FCRL3: variants seen among roughly 807,000 people sequenced by gnomAD.
FCRL3 encodes the protein Fc receptor-like protein 3.
Under a neutral mutation model 75.0 loss-of-function variants are expected in FCRL3, and 89 were observed. That is an observed-to-expected ratio of 1.19 (90% confidence interval 1.00 to 1.42). FCRL3 has a LOEUF of 1.42. Ranked by LOEUF, FCRL3 falls within the 40% of genes most tolerant of loss-of-function variation. The probability of loss-of-function intolerance (pLI) is 0.00; values close to 1 mark genes in which losing one functional copy is unlikely to be tolerated. For missense variants in FCRL3, 946 were observed against 880.0 expected, an observed-to-expected ratio of 1.07 and a Z score of -0.95; for synonymous variants, 376 against 348.5, an observed-to-expected ratio of 1.08 and a Z score of -0.88.
Position 157,689,820 on chromosome 1 carries a change from G to C in FCRL3, c.1788C>G (p.Tyr596Ter). 4 of 1,614,126 alleles carry C rather than the reference G, an allele frequency of 2.5e-6. No individual in the cohort carries two copies. The highest frequency in any genetic ancestry group is 3.4e-6 in the Non-Finnish European group (4 of 1,180,016). The change falls in exon 10 of 15, where the codon TAC becomes TAG. Residue 596 changes from tyrosine to a stop codon, truncating the protein, a stop_gained. Transcript: ENST00000368184. LOFTEE classifies it high-confidence loss of function. The part of the protein sequence containing the change: ...VLAAAAALLH[Y>*]ARARRKPGGL... Reference sequence around the variant, plus strand: ...CACCTGGTTTCCTTCGGGCCCTGGCGTAATGCAGCAGAGCAGCAGCAGCAG... The same window carrying C: ...CACCTGGTTTCCTTCGGGCCCTGGCCTAATGCAGCAGAGCAGCAGCAGCAG...
intron 11 of FCRL3, among the ~76,000 whole-genome samples, chr1:157,682,844 G>T (rs974909301): frequency 2.0e-5 from 3 of 152,024 alleles, no homozygotes. Flanking sequence ...ATTGTGAATT[G>T]AACATTGCCA....
Position 157,678,660 on chromosome 1 carries a change from GA to G in FCRL3, c.*49del, listed in dbSNP as rs34893510. ...GGATGATGTGTGGTTGGAGAGAACA[GA>G]AAAAAAAATGGTGCAGGCTGTTTCC... On this transcript the variant is annotated 3_prime_UTR_variant, in exon 15 of 15. Transcript: ENST00000368184. 3.0e-5 allele frequency: 48 copies of G among 1,591,240 alleles called. No individual in the cohort carries two copies. The highest frequency in any genetic ancestry group is 8.5e-5 in the Admixed American group (5 of 58,982).
Position 157,676,715 on chromosome 1 carries a change from A to C in FCRL3, c.*1995T>G, listed in dbSNP as rs1654477069. On this transcript the variant is annotated 3_prime_UTR_variant, in exon 15 of 15. Coordinates refer to ENST00000368184, the MANE Select transcript of FCRL3 (RefSeq NM_052939.4). ...ACATACTCTGATTTGCACAGGGCTA[A>C]GTGTTACAAAGACATGGAAAATCTT... 6.4e-7 allele frequency: 1 copy of C among 1,550,426 alleles called. No individual in the cohort carries two copies. Among genetic ancestry groups the C allele is most frequent in the East Asian group, 2.4e-5 (1 of 40,910 alleles).
rs1335634072 is a variant in FCRL3 at position 157,695,539 on chromosome 1, C to T, written c.1201G>A (p.Glu401Lys). ...CCTCTCAGGGACTCACAGTGAAGCT[C>T]CAGCAGGTCCCCCACCACAGTGTGG... is the stretch of plus-strand genomic sequence containing the variant. ...RAHTVVGDLL[E>K]LHCESLRGSP... Residue 401 changes from glutamate to lysine, a missense_variant, in exon 8 of 15, where the codon GAG becomes AAG. Glu to Lys is a moderately conservative substitution (Grantham distance 56). Transcript: ENST00000368184. The T allele has an allele frequency of 8.7e-6, 14 of 1,614,106 alleles. No individual in the cohort carries two copies. The highest frequency in any genetic ancestry group is 1.1e-5 in the Non-Finnish European group (13 of 1,180,000).
intron 7 of FCRL3, 94 bp from the exon 8 acceptor site, chr1:157,695,701 C>G: frequency 1.5e-6 from 2 of 1,379,168 alleles, no homozygotes; most frequent in Non-Finnish European, 2.0e-6. Flanking sequence ...GTCCCTTGTC[C>G]CTTGATTGTT....
Position 157,678,402 on chromosome 1 carries a change from T to C in FCRL3, c.*308A>G. 8.3e-7 allele frequency: 1 copy of C among 1,197,756 alleles called. No homozygotes were observed. The highest frequency in any genetic ancestry group is 1.0e-6 in the Non-Finnish European group (1 of 958,770). 74.2% of individuals were successfully genotyped at this position (1,197,756 alleles called of 1,614,324 possible). On this transcript the variant is annotated 3_prime_UTR_variant, in exon 15 of 15. Coordinates refer to ENST00000368184, the MANE Select transcript of FCRL3 (RefSeq NM_052939.4). ...TCAAATGGTCATGATTGTGCCCTTG[T>C]AACCCTGGCTAGACCATTTCTCTCT...
At chr1:157,680,824 C>T (rs917379001) in intron 12 of FCRL3, 54 bp from the exon 13 acceptor site, 146 of 1,535,268 alleles carry the variant, frequency 9.5e-5, no homozygotes, top group Non-Finnish European at 5.0e-5. Flanking sequence ...ATTCTAGACT[C>T]TACTTCCCAA....
chr1:157,697,525 C>T, intron 5 of FCRL3, 101 bp from the exon 6 acceptor site: 1 of 1,466,972 alleles, frequency 6.8e-7, no homozygotes, highest in Non-Finnish European at 9.2e-7. Context: ...GATAGAGAAG[C>T]ATGCAGAAGG....
chr1:157,693,045 G>A (rs1203168847), intron 8 of FCRL3, among the ~76,000 whole-genome samples: 4 of 151,956 alleles, frequency 2.6e-5, no homozygotes, highest in South Asian at 4.1e-4. Context: ...GGAGGCTGTC[G>A]CGGGTAGATT....
At chr1:157,700,424 T>A (rs1395687181) in intron 2 of FCRL3, 35 bp downstream of exon 2, 4 of 1,613,674 alleles carry the variant, frequency 2.5e-6, no homozygotes, top group Non-Finnish European at 3.4e-6. Flanking sequence ...CTTTAGGAAC[T>A]GAGGCCGTGG....
chr1:157,696,415 A>G, intron 6 of FCRL3, 88 bp from the exon 7 acceptor site: 1 of 1,433,834 alleles, frequency 7.0e-7, no homozygotes, highest in Non-Finnish European at 9.6e-7. Flanking sequence ...GAATAGGCCA[A>G]TAGCAGCAGG....
intron 10 of FCRL3, among the ~76,000 whole-genome samples, chr1:157,688,328 C>T (rs1009594550): frequency 6.6e-6 from 1 of 151,900 alleles, no homozygotes; most frequent in Non-Finnish European, 1.5e-5. Flanking sequence ...GTGATTCAAC[C>T]AGGGATACAG....
intron 1 of FCRL3, 22 bp downstream of exon 1, chr1:157,700,640 C>A: frequency 6.7e-7 from 1 of 1,494,202 alleles, no homozygotes. Flanking sequence ...GCTTTGGGCT[C>A]TGAAAATGTG....
At chr1:157,694,826 G>A (rs1655780614) in intron 8 of FCRL3, among the ~76,000 whole-genome samples, 1 of 152,132 alleles carries the variant, frequency 6.6e-6, no homozygotes, top group Admixed American at 6.5e-5. Context: ...CATGAAAGAG[G>A]CCTGCTGCTG....
chr1:157,696,536 G>A (rs1655920138), intron 6 of FCRL3: 2 of 569,170 alleles, frequency 3.5e-6, no homozygotes, highest in Non-Finnish European at 6.2e-6. Flanking sequence ...GAGAAATGTG[G>A]GCACCAAGTC....
chr1:157,679,060 ATCT>A, intron 13 of FCRL3, 87 bp from the exon 14 acceptor site: 2 of 1,423,982 alleles, frequency 1.4e-6, no homozygotes, highest in South Asian at 1.2e-5. Flanking sequence ...TTCCAAACCA[ATCT>A]TCTTGATTTG....
intron 3 of FCRL3, 130 bp from the exon 4 acceptor site, chr1:157,698,759 A>T (rs1359805122): frequency 2.3e-6 from 2 of 868,174 alleles, no homozygotes. Context: ...TGGAAAATTG[A>T]GCAGAAATAA....
chr1:157,691,071 A>G (rs1046159959), intron 8 of FCRL3, among the ~76,000 whole-genome samples: 2 of 152,064 alleles, frequency 1.3e-5, no homozygotes, highest in Non-Finnish European at 2.9e-5. Context: ...ATGATTCCCC[A>G]ATAGGATGGA....
At chr1:157,697,104 C>A in intron 6 of FCRL3, 36 bp downstream of exon 6, 1 of 1,402,678 alleles carries the variant, frequency 7.1e-7, no homozygotes. Context: ...CTCTCCCCAG[C>A]TCTGACTCTG....
Sources: allele counts gnomAD v4.1 joint callset (sites outside exome capture counted in the v4.1 genomes callset), GRCh38; gene constraint gnomAD v4.1.1; transcripts MANE v1.5; gene names NCBI Gene and HGNC (gene_info 2026-07-23, HGNC 2026-07-21).